The following COMMD7 variants were observed in gnomAD, a reference collection of about 807,000 sequenced individuals.
COMMD7 encodes the protein COMM domain containing 7, also known as COMM domain-containing protein 7.
COMMD7 carries 28 observed loss-of-function variants against 34.8 expected under a neutral mutation model. That is an observed-to-expected ratio of 0.80 (90% confidence interval 0.60 to 1.10). COMMD7 has a LOEUF of 1.10. Among genes scored for constraint, COMMD7 ranks in the 50% least tolerant of loss-of-function variants. COMMD7 has a pLI of 0.00. For missense variants in COMMD7, 211 were observed against 241.6 expected (o/e 0.87, Z 0.84); for synonymous variants, 80 against 86.4 (o/e 0.93, Z 0.41).
chr20:32,707,331 A>T (rs1303244462), intron 3 of COMMD7, among the ~76,000 whole-genome samples: 3 of 130,838 alleles, frequency 2.3e-5, no homozygotes, highest in African/African-American at 5.6e-5. Flanking sequence ...ATATATATAT[A>T]TTTTTTGAGA....
rs543765542 is a variant in COMMD7, at chr20:32,705,577, G to A, written c.337-673C>T. 3.9e-5 allele frequency among the ~76,000 whole-genome samples: 6 copies of A among 152,004 alleles called. No individual in the cohort carries two copies. In the South Asian group the frequency reaches 1.0e-3, roughly 26 times the overall value. The stretch of plus-strand genomic sequence containing the variant: ...TTTAGTAGAGATGGGGTTTCACCAT[G>A]TTAGGCAGGATGATCTCGATCTCCT... On this transcript the variant is annotated intron_variant, in intron 5 of 8. Coordinates refer to ENST00000278980, the MANE Select transcript of COMMD7 (RefSeq NM_053041.3).
At chr20:32,712,017 A>G (rs993399169) in intron 3 of COMMD7, among the ~76,000 whole-genome samples, 1 of 149,622 alleles carries the variant, frequency 6.7e-6, no homozygotes, top group African/African-American at 2.5e-5. Flanking sequence ...CATGCCTGTA[A>G]TCCCAGCACT....
intron 3 of COMMD7, among the ~76,000 whole-genome samples, chr20:32,725,553 T>C (rs1317156526): frequency 6.6e-6 from 1 of 150,920 alleles, no homozygotes; most frequent in Non-Finnish European, 1.5e-5. Flanking sequence ...CTCAGCCTCC[T>C]GAGTAGCTGA....
At chr20:32,739,273 G>C (rs1986300062) in intron 1 of COMMD7, among the ~76,000 whole-genome samples, 1 of 152,108 alleles carries the variant, frequency 6.6e-6, no homozygotes, top group Non-Finnish European at 1.5e-5. Flanking sequence ...GACAAGCCTA[G>C]ACAACATAGG....
intron 1 of COMMD7, among the ~76,000 whole-genome samples, chr20:32,742,198 A>G (rs531457211): frequency 7.9e-5 from 12 of 152,274 alleles, no homozygotes; most frequent in African/African-American, 2.9e-4. Context: ...AAAAAAAAAA[A>G]TTAATTTCCA....
intron 3 of COMMD7, among the ~76,000 whole-genome samples, chr20:32,712,267 CTCAAAAAAA>C (rs1984500166): frequency 8.8e-6 from 1 of 113,110 alleles, no homozygotes. Context: ...AAGACTCCGT[CTCAAAAAAA>C]AAAAAAAAAA....
intron 3 of COMMD7, among the ~76,000 whole-genome samples, chr20:32,722,882 C>T (rs1424022284): frequency 1.4e-4 from 21 of 150,994 alleles, no homozygotes; most frequent in African/African-American, 5.1e-4. Context: ...ATTAGCCGGG[C>T]GTGGTGGTGG....
chr20:32,703,626 G>A (rs900888908), intron 8 of COMMD7, 168 bp from the exon 9 acceptor site: 2 of 1,439,290 alleles, frequency 1.4e-6, no homozygotes, highest in Non-Finnish European at 1.8e-6. Context: ...CTTGAATGCA[G>A]AAGGTTCTCT....
intron 1 of COMMD7, chr20:32,742,641 G>A (rs1986507931): frequency 6.6e-6 from 1 of 152,222 alleles, no homozygotes; most frequent in Non-Finnish European, 1.5e-5. Context: ...CAGTGTATAA[G>A]GTTTCTTTCC....
chr20:32,727,596 C>G (rs977595311), intron 3 of COMMD7, among the ~76,000 whole-genome samples: 3 of 151,172 alleles, frequency 2.0e-5, no homozygotes, highest in Non-Finnish European at 4.4e-5. Flanking sequence ...ATAAAAGGTT[C>G]CAAATGCTTA....
Position 32,721,199 on chromosome 20 carries a change from C to T in COMMD7, c.241+6694G>A, listed in dbSNP as rs111840314. 4.4e-3 allele frequency among the ~76,000 whole-genome samples: 675 copies of T among 152,128 alleles called. 3 individuals carry two copies. The highest frequency in any genetic ancestry group is 0.015 in the African/African-American group (640 of 41,492). ...ACAGGATACAGTGGGGGGCCAAGTG[C>T]GGTGGCTCATGCCTGTAATCCCAGC... On this transcript the variant is annotated intron_variant, in intron 3 of 8. Coordinates refer to ENST00000278980, the MANE Select transcript of COMMD7 (RefSeq NM_053041.3).
chr20:32,740,614 C>A (rs1986389952), intron 1 of COMMD7, among the ~76,000 whole-genome samples: 1 of 151,730 alleles, frequency 6.6e-6, no homozygotes, highest in African/African-American at 2.4e-5. Context: ...TGTGTTACTA[C>A]AAAAGTGCCA....
intron 1 of COMMD7, among the ~76,000 whole-genome samples, chr20:32,741,504 C>A (rs1986444622): frequency 6.6e-6 from 1 of 151,844 alleles, no homozygotes; most frequent in African/African-American, 2.4e-5. Flanking sequence ...GATTCTCCTG[C>A]CTTAGCCTCC....
chr20:32,718,560 G>A (rs1225011754), intron 3 of COMMD7, among the ~76,000 whole-genome samples: 3 of 152,106 alleles, frequency 2.0e-5, no homozygotes, highest in Admixed American at 6.6e-5. Context: ...TCAGCTGGGC[G>A]TGACGGCATG....
chr20:32,708,403 C>G (rs982713690), intron 3 of COMMD7, among the ~76,000 whole-genome samples: 1 of 151,996 alleles, frequency 6.6e-6, no homozygotes. Context: ...GCTGTTGTAC[C>G]GGTAAAATCA....
At chr20:32,726,551 A>C (rs1484173346) in intron 3 of COMMD7, among the ~76,000 whole-genome samples, 1 of 150,850 alleles carries the variant, frequency 6.6e-6, no homozygotes, top group Non-Finnish European at 1.5e-5. Flanking sequence ...AAAATACAAA[A>C]AATTAGCTGG....
intron 3 of COMMD7, among the ~76,000 whole-genome samples, chr20:32,709,728 G>C (rs1400604338): frequency 6.6e-6 from 1 of 152,070 alleles, no homozygotes; most frequent in Non-Finnish European, 1.5e-5. Flanking sequence ...TGCTTACTGT[G>C]CTATTTTTAG....
At chr20:32,722,988 C>T (rs1259288963) in intron 3 of COMMD7, among the ~76,000 whole-genome samples, 1 of 150,696 alleles carries the variant, frequency 6.6e-6, no homozygotes, top group Non-Finnish European at 1.5e-5. Flanking sequence ...CACTGCACTC[C>T]AGCCTGGGTG....
Position 32,706,747 on chromosome 20 carries a change from C to T in COMMD7, c.255G>A (p.Lys85=). ...LLLVPNGALK[K]SLTAKQVQAD... ...CCTGGACCTGCTTGGCTGTGAGACT[C>T]TTCTTCAAAGCACCTGGGAGGCAGG... Residue 85 remains lysine, a synonymous_variant, in exon 4 of 9, where the codon AAG becomes AAA. Transcript: ENST00000278980. 1 of 1,613,856 alleles carries T rather than the reference C, an allele frequency of 6.2e-7. No individual in the cohort carries two copies. Among genetic ancestry groups the T allele is most frequent in the Non-Finnish European group, 8.5e-7 (1 of 1,179,960 alleles).
Sources: gnomAD v4.1 joint callset for allele counts (sites outside exome capture counted in the v4.1 genomes callset) on GRCh38, gnomAD v4.1.1 for gene constraint, MANE v1.5 for transcripts, NCBI Gene and HGNC (gene_info 2026-07-23, HGNC 2026-07-21) for gene names.